JARID2: variants seen among roughly 807,000 people sequenced by gnomAD.
The protein encoded by JARID2 is protein Jumonji.
Under a neutral mutation model 125.6 loss-of-function variants are expected in JARID2, and 21 were observed. The observed-to-expected ratio is 0.17, with a 90% confidence interval of 0.12 to 0.24. The LOEUF is 0.24. Among genes scored for constraint, JARID2 ranks in the 10% least tolerant of loss-of-function variants. The pLI, the probability that JARID2 is intolerant of heterozygous loss-of-function variation, is 1.00. For missense variants in JARID2, 1,303 were observed against 1,639.6 expected, an observed-to-expected ratio of 0.79 and a Z score of 3.55; for synonymous variants, 736 against 661.6, an observed-to-expected ratio of 1.11 and a Z score of -1.73.
At chr6:15,407,879 G>C (rs1765715293) in intron 2 of JARID2, among the ~76,000 whole-genome samples, 1 of 152,144 alleles carries the variant, frequency 6.6e-6, no homozygotes, top group South Asian at 2.1e-4. Context: ...TATTTGTTAA[G>C]TAAATTAATG....
At chr6:15,373,561 A>G (rs750695001) in intron 1 of JARID2, among the ~76,000 whole-genome samples, 10 of 152,056 alleles carry the variant, frequency 6.6e-5, no homozygotes, top group Non-Finnish European at 1.3e-4. Flanking sequence ...CTCTCCTTTT[A>G]TTTGTGATTC....
chr6:15,466,661 A>T (rs1342274187), intron 4 of JARID2, among the ~76,000 whole-genome samples: 1 of 152,218 alleles, frequency 6.6e-6, no homozygotes, highest in Non-Finnish European at 1.5e-5. Flanking sequence ...TGATTAGATA[A>T]CCTGTCTGTA....
chr6:15,379,405 G>C (rs1764495064), intron 2 of JARID2, among the ~76,000 whole-genome samples: 1 of 152,212 alleles, frequency 6.6e-6, no homozygotes, highest in Admixed American at 6.5e-5. Context: ...CAGAGGCTGA[G>C]ACCTTGGCCA....
chr6:15,435,853 G>T (rs978627520), intron 3 of JARID2, among the ~76,000 whole-genome samples: 2 of 151,548 alleles, frequency 1.3e-5, no homozygotes, highest in African/African-American at 4.9e-5. Context: ...TTGAACTTCA[G>T]GAGTACAGAG....
chr6:15,310,981 G>C (rs971467684), intron 1 of JARID2, among the ~76,000 whole-genome samples: 12 of 152,164 alleles, frequency 7.9e-5, no homozygotes, highest in Admixed American at 2.6e-4. Flanking sequence ...AATGGGAACC[G>C]TCATAGAGTG....
intron 6 of JARID2, among the ~76,000 whole-genome samples, chr6:15,489,139 C>T (rs1310410117): frequency 1.3e-5 from 2 of 152,238 alleles, no homozygotes; most frequent in African/African-American, 4.8e-5. Flanking sequence ...GTGATTACAC[C>T]ATGTGACTGC....
chr6:15,333,225 C>T lies in JARID2; in HGVS notation c.46-40892C>T, dbSNP rs150164158. Among the ~76,000 whole-genome samples the T allele has an allele frequency of 1.1e-3, 169 of 152,278 alleles. 1 individual carries two copies. The highest frequency in any genetic ancestry group is 0.01 in the Middle Eastern group (3 of 294). On this transcript the variant is annotated intron_variant, in intron 1 of 17. Coordinates refer to ENST00000341776, the MANE Select transcript of JARID2 (RefSeq NM_004973.4). The stretch of plus-strand genomic sequence containing the variant: ...GGGATTGCAGGCATGAGCCACCGTG[C>T]CCGGCACATTTACCCTTTTAAAGTA...
intron 3 of JARID2, among the ~76,000 whole-genome samples, chr6:15,421,099 TTTC>T (rs552997056): frequency 4.5e-4 from 69 of 152,206 alleles, no homozygotes; most frequent in Admixed American, 4.1e-3. Context: ...TCCCCTTGTG[TTTC>T]TCAACCCCGG....
rs1446497684 is a variant in JARID2 at position 15,468,712 on chromosome 6, G to A, written c.664G>A (p.Gly222Arg). 7 of 1,610,238 alleles carry A rather than the reference G, an allele frequency of 4.3e-6. No homozygotes were observed. Among genetic ancestry groups the A allele is most frequent in the Non-Finnish European group, 5.9e-6 (7 of 1,178,222 alleles). Residue 222 changes from glycine to arginine, a missense_variant, in exon 5 of 18, where the codon GGG becomes AGG. Physicochemically the swap from Gly to Arg is moderately radical, Grantham distance 125 (BLOSUM62 -2). This residue lies in a region of JARID2 where 651 missense variants were observed against 581.6 expected (regional missense o/e 1.12). Transcript: ENST00000341776. ...AAAAACCCACAAACATGTTCACAAC[G>A]GGCATGGTAGGTCCACCGTTGAACT... The part of the protein sequence containing the change: ...KGKTHKHVHN[G>R]HVFNGSSRST...
intron 2 of JARID2, among the ~76,000 whole-genome samples, chr6:15,376,113 GA>G (rs1460597670): frequency 6.6e-6 from 1 of 152,206 alleles, no homozygotes; most frequent in Non-Finnish European, 1.5e-5. Flanking sequence ...AGTTGGCAAA[GA>G]TGCCCACATT....
At chr6:15,501,511 C>A in intron 8 of JARID2, 102 bp downstream of exon 8, 1 of 1,194,462 alleles carries the variant, frequency 8.4e-7, no homozygotes, top group East Asian at 2.5e-5. Context: ...TTCTCTGATT[C>A]CCTGGGGTGA....
At chr6:15,272,378 C>G (rs115606196) in intron 1 of JARID2, among the ~76,000 whole-genome samples, 2 of 152,166 alleles carry the variant, frequency 1.3e-5, no homozygotes, top group Admixed American at 6.5e-5. Flanking sequence ...GGAATTTCTG[C>G]GTAGAGCTCT....
chr6:15,426,208 C>T (rs76147383), intron 3 of JARID2, among the ~76,000 whole-genome samples: 1 of 152,132 alleles, frequency 6.6e-6, no homozygotes, highest in Non-Finnish European at 1.5e-5. Context: ...TAATAATCCT[C>T]GAGTGGGGCC....
At chr6:15,260,010 C>G (rs1316385946) in intron 1 of JARID2, among the ~76,000 whole-genome samples, 1 of 152,116 alleles carries the variant, frequency 6.6e-6, no homozygotes, top group Admixed American at 6.5e-5. Flanking sequence ...AGGTCTTGAC[C>G]TAAAACTTTA....
intron 4 of JARID2, among the ~76,000 whole-genome samples, chr6:15,464,152 A>C (rs1377589077): frequency 6.6e-6 from 1 of 152,102 alleles, no homozygotes; most frequent in Non-Finnish European, 1.5e-5. Context: ...ATCTTACTGC[A>C]TTTGTCTCGA....
At chr6:15,490,761 A>AG (rs761376467) in intron 6 of JARID2, among the ~76,000 whole-genome samples, 9 of 152,272 alleles carry the variant, frequency 5.9e-5, no homozygotes, top group African/African-American at 1.2e-4. Flanking sequence ...TAACAAGTTT[A>AG]GGATAGTCCA....
At chr6:15,476,862 GCT>G (rs1769366101) in intron 5 of JARID2, among the ~76,000 whole-genome samples, 1 of 152,104 alleles carries the variant, frequency 6.6e-6, no homozygotes, top group South Asian at 2.1e-4. Context: ...TTTTTCTTAA[GCT>G]CTCATAATTG....
At chr6:15,278,002 C>T (rs1242178447) in intron 1 of JARID2, among the ~76,000 whole-genome samples, 1 of 151,962 alleles carries the variant, frequency 6.6e-6, no homozygotes, top group Non-Finnish European at 1.5e-5. Flanking sequence ...AATCCCAGCA[C>T]TTTGGGAGGC....
At chr6:15,455,249 G>C (rs1013973978) in intron 4 of JARID2, among the ~76,000 whole-genome samples, 1 of 149,624 alleles carries the variant, frequency 6.7e-6, no homozygotes, top group Admixed American at 6.7e-5. Flanking sequence ...CTTTGGTCTT[G>C]CGTGGCTTAA....
Sources: allele counts gnomAD v4.1 joint callset (sites outside exome capture counted in the v4.1 genomes callset), GRCh38; gene constraint gnomAD v4.1.1; regional missense constraint gnomAD v4.1.1; transcripts MANE v1.5; gene names NCBI Gene and HGNC (gene_info 2026-07-23, HGNC 2026-07-21).